DTNA: variants seen among roughly 807,000 people sequenced by gnomAD.
DTNA encodes the protein dystrophin-related protein 3.
A neutral mutation model predicts 100.7 loss-of-function variants in DTNA; 43 were observed. The ratio of observed to expected loss-of-function variants is 0.43; its 90% CI spans 0.33 to 0.55. DTNA has a LOEUF of 0.55. DTNA is among the 20% of genes least tolerant of loss of function. The probability of loss-of-function intolerance (pLI) is 0.04; values close to 1 mark genes in which losing one functional copy is unlikely to be tolerated. For synonymous variants in DTNA, 349 were observed against 347.9 expected, an observed-to-expected ratio of 1.00 and a Z score of -0.04; for missense variants, 798 against 953.9, an observed-to-expected ratio of 0.84 and a Z score of 2.15.
chr18:34,541,445 C>G (rs1601648151), intron 1 of DTNA, among the ~76,000 whole-genome samples: 1 of 151,982 alleles, frequency 6.6e-6, no homozygotes, highest in Admixed American at 6.6e-5. Flanking sequence ...GAGTTTTTCT[C>G]ATGCTGTTCT....
intron 10 of DTNA, 116 bp from the exon 11 acceptor site, chr18:34,829,284 C>T: frequency 2.0e-6 from 3 of 1,520,418 alleles, no homozygotes; most frequent in Non-Finnish European, 2.6e-6. Context: ...CCTACGGTTT[C>T]TGTTTTGAGG....
At chr18:34,824,299 C>A (rs909505748) in intron 9 of DTNA, among the ~76,000 whole-genome samples, 1 of 151,964 alleles carries the variant, frequency 6.6e-6, no homozygotes, top group Non-Finnish European at 1.5e-5. Context: ...CACGATGAAA[C>A]CCCGTCTGTA....
intron 1 of DTNA, among the ~76,000 whole-genome samples, chr18:34,540,069 A>G (rs2044100838): frequency 6.6e-6 from 1 of 151,970 alleles, no homozygotes; most frequent in African/African-American, 2.4e-5. Flanking sequence ...ATGAACTCTC[A>G]GATATTAATA....
rs146283561 is a variant in DTNA, at chr18:34,501,819, A to G, written c.-2+8305A>G. On this transcript the variant is annotated intron_variant, in intron 1 of 19. Coordinates refer to the DTNA transcript ENST00000283365. ...GCTTGCGGATAGCTGAGTTCTCACT[A>G]TGTTTTCACGTGGTCTTTTCCTCAG... Among the ~76,000 whole-genome samples, 77 of 152,158 alleles carry G rather than the reference A, an allele frequency of 5.1e-4. No individual in the cohort carries two copies. In the East Asian group the frequency reaches 8.5e-3, roughly 17 times the overall value.
At chr18:34,544,232 C>T (rs1206121571) in intron 1 of DTNA, among the ~76,000 whole-genome samples, 1 of 152,072 alleles carries the variant, frequency 6.6e-6, no homozygotes, top group Admixed American at 6.6e-5. Context: ...TAACACTACT[C>T]TCCAGTATGT....
In DTNA at chr18:34,773,090, C is replaced by G. The variant is rs542729842; in HGVS notation, c.148+7049C>G. Among the ~76,000 whole-genome samples, 8 of 152,302 alleles carry G rather than the reference C, an allele frequency of 5.3e-5. No individual in the cohort carries two copies. The East Asian group carries it at 1.5e-3, about 29-fold the overall frequency. ...GCTAGAGTGTCCTCTCTGACTTCCCCATTTATGACTAGCCAGAGAAGTCTC... is the reference window on the plus strand; with the variant it reads ...GCTAGAGTGTCCTCTCTGACTTCCCGATTTATGACTAGCCAGAGAAGTCTC... On this transcript the variant is annotated intron_variant, in intron 3 of 22. Transcript: ENST00000444659.
At position 34,635,493 on chromosome 18, in the gene DTNA, G is replaced by A. The variant is rs190161461; in HGVS notation, c.-1-120483G>A. Among the ~76,000 whole-genome samples, 297 of 152,206 alleles carry A rather than the reference G, an allele frequency of 2.0e-3. 2 individuals carry two copies. Among genetic ancestry groups the A allele is most frequent in the African/African-American group, 7.0e-3 (291 of 41,544 alleles). ...TTGAACATGTGATTGTTTCTTAAAG[G>A]TGAGTTGCAGTGTAGAATCTTAAAT... On this transcript the variant is annotated intron_variant, in intron 1 of 19. Coordinates refer to the DTNA transcript ENST00000283365.
At chr18:34,616,777 C>T (rs551106837) in intron 1 of DTNA, among the ~76,000 whole-genome samples, 18 of 152,144 alleles carry the variant, frequency 1.2e-4, no homozygotes, top group South Asian at 6.2e-4. Context: ...TTTTTCCAAT[C>T]GTTTGTGTCA....
chr18:34,501,205 C>A (rs1271578569), intron 1 of DTNA, among the ~76,000 whole-genome samples: 1 of 152,154 alleles, frequency 6.6e-6, no homozygotes, highest in Non-Finnish European at 1.5e-5. Flanking sequence ...CTTTTCTTCA[C>A]CAAATGATGT....
intron 1 of DTNA, among the ~76,000 whole-genome samples, chr18:34,511,790 G>T (rs949314370): frequency 1.3e-5 from 2 of 151,948 alleles, no homozygotes; most frequent in Non-Finnish European, 2.9e-5. Flanking sequence ...TATAGAAATA[G>T]CTAGTGTAAA....
At chr18:34,635,244 A>G (rs914236590) in intron 1 of DTNA, among the ~76,000 whole-genome samples, 1 of 152,180 alleles carries the variant, frequency 6.6e-6, no homozygotes, top group Non-Finnish European at 1.5e-5. Flanking sequence ...TATATATGAC[A>G]CACTTTTAAT....
At chr18:34,827,568 C>T (rs747280910) in intron 9 of DTNA, 25 bp from the exon 10 acceptor site, 16 of 1,610,020 alleles carry the variant, frequency 9.9e-6, no homozygotes, top group Non-Finnish European at 1.4e-5. Flanking sequence ...TTTTAACTTT[C>T]CATTCACCCT....
At chr18:34,501,460 A>G (rs2039913400) in intron 1 of DTNA, among the ~76,000 whole-genome samples, 1 of 152,188 alleles carries the variant, frequency 6.6e-6, no homozygotes, top group South Asian at 2.1e-4. Context: ...TAGTATCAGG[A>G]TAATACTAGC....
intron 1 of DTNA, among the ~76,000 whole-genome samples, chr18:34,754,660 A>G (rs2092647454): frequency 6.6e-6 from 1 of 152,088 alleles, no homozygotes. Flanking sequence ...ATTATAGTGT[A>G]TATTTATGGG....
intron 1 of DTNA, among the ~76,000 whole-genome samples, chr18:34,507,114 G>A (rs904344573): frequency 6.6e-5 from 10 of 152,084 alleles, no homozygotes; most frequent in African/African-American, 2.4e-4. Flanking sequence ...TGGACCACAG[G>A]CAGGTACCCT....
At chr18:34,552,437 T>G (rs1294580263) in intron 1 of DTNA, among the ~76,000 whole-genome samples, 1 of 151,734 alleles carries the variant, frequency 6.6e-6, no homozygotes, top group Non-Finnish European at 1.5e-5. Flanking sequence ...TGCAGGTTAG[T>G]TACATATGTA....
At chr18:34,883,312 CT>C (rs886164271) in intron 21 of DTNA, among the ~76,000 whole-genome samples, 26 of 147,184 alleles carry the variant, frequency 1.8e-4, no homozygotes, top group East Asian at 4.0e-4. Context: ...TTCTTTTTTC[CT>C]TTTTTTTTTT....
chr18:34,569,304 T>C (rs990169976), intron 1 of DTNA, among the ~76,000 whole-genome samples: 1 of 152,150 alleles, frequency 6.6e-6, no homozygotes, highest in African/African-American at 2.4e-5. Context: ...CGCAACAGAT[T>C]GTCTGAGAAG....
intron 3 of DTNA, among the ~76,000 whole-genome samples, chr18:34,771,659 T>C (rs2093778900): frequency 6.6e-6 from 1 of 152,194 alleles, no homozygotes; most frequent in Non-Finnish European, 1.5e-5. Context: ...GAATGAGTGT[T>C]TCTAAAAAAT....
Sources: gnomAD v4.1 joint callset for allele counts (sites outside exome capture counted in the v4.1 genomes callset) on GRCh38, gnomAD v4.1.1 for gene constraint, MANE v1.5 for transcripts, NCBI Gene and HGNC (gene_info 2026-07-23, HGNC 2026-07-21) for gene names.